LRRTM4: variants seen among roughly 807,000 people sequenced by gnomAD.
LRRTM4 encodes leucine-rich repeat transmembrane neuronal protein 4.
Under a neutral mutation model 47.6 loss-of-function variants are expected in LRRTM4, and 25 were observed. The observed-to-expected ratio is 0.53, with a 90% CI of 0.38 to 0.73. LRRTM4 has a LOEUF of 0.73. LRRTM4 is among the 30% of genes least tolerant of loss of function. LRRTM4 has a pLI of 0.00. For missense variants in LRRTM4, 638 were observed against 713.4 expected, an observed-to-expected ratio of 0.89 and a Z score of 1.20; for synonymous variants, 311 against 269.5, an observed-to-expected ratio of 1.15 and a Z score of -1.51.
At chr2:77,215,462 C>T (rs1427531965) in intron 3 of LRRTM4, among the ~76,000 whole-genome samples, 1 of 152,076 alleles carries the variant, frequency 6.6e-6, no homozygotes, top group Non-Finnish European at 1.5e-5. Flanking sequence ...ATGTCATGGG[C>T]TAATTAGGAG....
Position 77,319,102 on chromosome 2 carries a change from G to A in LRRTM4, c.1551+199216C>T, listed in dbSNP as rs568833733. On this transcript the variant is annotated intron_variant, in intron 3 of 3. Coordinates refer to ENST00000409884, the MANE Select transcript of LRRTM4 (RefSeq NM_001134745.3). ...CACATCTATATTGATAGCCAGCCCT[G>A]GGATGGGCGTGGTGGCTCATGCCTG... Among the ~76,000 whole-genome samples the A allele has an allele frequency of 9.5e-4, 145 of 152,160 alleles. 1 individual carries two copies. The highest frequency in any genetic ancestry group is 3.4e-3 in the Middle Eastern group (1 of 294).
chr2:77,374,728 A>C (rs958162419), intron 3 of LRRTM4, among the ~76,000 whole-genome samples: 4 of 151,822 alleles, frequency 2.6e-5, no homozygotes, highest in African/African-American at 9.7e-5. Flanking sequence ...ATCTGGTCTC[A>C]AAGATTTATC....
chr2:76,940,874 C>T (rs1573344144), intron 3 of LRRTM4, among the ~76,000 whole-genome samples: 1 of 151,804 alleles, frequency 6.6e-6, no homozygotes, highest in African/African-American at 2.4e-5. Flanking sequence ...TGTTTTTCTT[C>T]TCTCTCTTTT....
At chr2:76,973,908 G>A (rs980240702) in intron 3 of LRRTM4, among the ~76,000 whole-genome samples, 4 of 151,610 alleles carry the variant, frequency 2.6e-5, no homozygotes, top group African/African-American at 9.7e-5. Context: ...TTACTGTTCA[G>A]CTTTTCTTAA....
intron 3 of LRRTM4, among the ~76,000 whole-genome samples, chr2:77,131,192 A>T (rs554490480): frequency 6.6e-6 from 1 of 152,162 alleles, no homozygotes; most frequent in South Asian, 2.1e-4. Flanking sequence ...AGGAAGACTG[A>T]TATCTGAATG....
intron 3 of LRRTM4, among the ~76,000 whole-genome samples, chr2:76,877,376 GA>G (rs1200294272): frequency 7.0e-6 from 1 of 142,852 alleles, no homozygotes; most frequent in African/African-American, 2.7e-5. Context: ...AAATTTCTGA[GA>G]TTTTTTTTTT....
At chr2:76,853,321 T>G (rs183555382) in intron 3 of LRRTM4, among the ~76,000 whole-genome samples, 109 of 152,242 alleles carry the variant, frequency 7.2e-4, no homozygotes, top group African/African-American at 2.6e-3. Flanking sequence ...TGAAATGGGC[T>G]CTTGGTCCCT....
intron 3 of LRRTM4, among the ~76,000 whole-genome samples, chr2:76,761,707 C>G (rs548352503): frequency 6.6e-6 from 1 of 152,168 alleles, no homozygotes. Flanking sequence ...AATAAGGACT[C>G]TCACTGTTGA....
intron 3 of LRRTM4, among the ~76,000 whole-genome samples, chr2:76,795,370 TTATA>T (rs915571675): frequency 5.9e-5 from 9 of 152,136 alleles, no homozygotes; most frequent in African/African-American, 1.9e-4. Context: ...TTAACCAACT[TTATA>T]TAAGACAATT....
chr2:76,782,195 G>A (rs949981734), intron 3 of LRRTM4, among the ~76,000 whole-genome samples: 1 of 152,038 alleles, frequency 6.6e-6, no homozygotes, highest in African/African-American at 2.4e-5. Flanking sequence ...TAAGATTTAC[G>A]GGCCTGCTGA....
intron 3 of LRRTM4, among the ~76,000 whole-genome samples, chr2:76,866,992 T>C (rs1252102996): frequency 6.6e-6 from 1 of 151,968 alleles, no homozygotes; most frequent in African/African-American, 2.4e-5. Flanking sequence ...CACTGCATAT[T>C]CTCACTTGTA....
chr2:76,822,956 G>A lies in LRRTM4; in HGVS notation c.1552-74040C>T, dbSNP rs116733306. On this transcript the variant is annotated intron_variant, in intron 3 of 3. Coordinates refer to ENST00000409884, the MANE Select transcript of LRRTM4 (RefSeq NM_001134745.3). Reference sequence around the variant, plus strand: ...TTTATGAAGCAATAAAAAACAATGCGCACAAAACCTTTCTAAAATGTTGAA... The same window carrying A: ...TTTATGAAGCAATAAAAAACAATGCACACAAAACCTTTCTAAAATGTTGAA... Among the ~76,000 whole-genome samples, 1,325 of 151,252 alleles carry A rather than the reference G, an allele frequency of 8.8e-3. 18 individuals are homozygous for A. The highest frequency in any genetic ancestry group is 0.03 in the African/African-American group (1,251 of 41,396).
intron 3 of LRRTM4, among the ~76,000 whole-genome samples, chr2:76,866,007 A>C (rs1013914973): frequency 1.3e-5 from 2 of 152,160 alleles, no homozygotes; most frequent in African/African-American, 4.8e-5. Flanking sequence ...AAAACCCCAC[A>C]TAAGATTTAC....
At chr2:77,413,046 C>A (rs182680309) in intron 3 of LRRTM4, among the ~76,000 whole-genome samples, 1 of 152,126 alleles carries the variant, frequency 6.6e-6, no homozygotes, top group Admixed American at 6.5e-5. Context: ...AAAGACTTCT[C>A]CTTTTTTGGA....
At chr2:77,155,873 G>T (rs1672547153) in intron 3 of LRRTM4, among the ~76,000 whole-genome samples, 1 of 152,076 alleles carries the variant, frequency 6.6e-6, no homozygotes, top group Non-Finnish European at 1.5e-5. Context: ...TCACATAACA[G>T]CTAACAGGGA....
chr2:77,080,495 C>G (rs1194002539), intron 3 of LRRTM4, among the ~76,000 whole-genome samples: 1 of 152,136 alleles, frequency 6.6e-6, no homozygotes, highest in East Asian at 1.9e-4. Context: ...CCTTGATAAT[C>G]TAACAGGCAA....
intron 3 of LRRTM4, among the ~76,000 whole-genome samples, chr2:77,025,979 T>G (rs1209341859): frequency 6.6e-6 from 1 of 152,170 alleles, no homozygotes; most frequent in Non-Finnish European, 1.5e-5. Flanking sequence ...TTGCACATGT[T>G]TCCTACTTGA....
chr2:76,996,925 C>G (rs1320030926), intron 3 of LRRTM4, among the ~76,000 whole-genome samples: 1 of 152,030 alleles, frequency 6.6e-6, no homozygotes. Flanking sequence ...TCTATACATA[C>G]AGGAAATGAT....
chr2:77,454,039 T>C (rs998605292), intron 3 of LRRTM4, among the ~76,000 whole-genome samples: 2 of 152,168 alleles, frequency 1.3e-5, no homozygotes, highest in African/African-American at 4.8e-5. Context: ...CACCTTACTA[T>C]CTCCTCTCAT....
Sources: allele counts gnomAD v4.1 joint callset (sites outside exome capture counted in the v4.1 genomes callset), GRCh38; gene constraint gnomAD v4.1.1; transcripts MANE v1.5; gene names NCBI Gene and HGNC (gene_info 2026-07-23, HGNC 2026-07-21).